ADAMTS17: variants seen among roughly 807,000 people sequenced by gnomAD.
ADAMTS17 encodes A disintegrin and metalloproteinase with thrombospondin motifs 17.
A neutral mutation model predicts 141.5 loss-of-function variants in ADAMTS17; 113 were observed. That is an observed-to-expected ratio of 0.80 (90% CI 0.69 to 0.93). ADAMTS17 has a LOEUF of 0.93. ADAMTS17 is among the 40% of genes least tolerant of loss of function. The pLI is 0.00. For synonymous variants in ADAMTS17, 768 were observed against 630.6 expected (o/e 1.22, Z -3.27); for missense variants, 1,659 against 1,517.9 (o/e 1.09, Z -1.54).
Position 99,978,236 on chromosome 15 carries a change from G to A in ADAMTS17, c.2950-2014C>T, listed in dbSNP as rs558837668. On this transcript the variant is annotated intron_variant, in intron 20 of 21. Coordinates refer to ENST00000268070, the MANE Select transcript of ADAMTS17 (RefSeq NM_139057.4). The stretch of plus-strand genomic sequence containing the variant: ...GCCTGGGAGGGCTGTCTGCTCCCAG[G>A]GGGGCTTCTGCAAGCCAGGTGGATT... Among the ~76,000 whole-genome samples the A allele has an allele frequency of 2.6e-4, 39 of 151,980 alleles. No individual in the cohort carries two copies. The South Asian group carries it at 3.1e-3, about 12-fold the overall frequency.
chr15:100,053,892 G>A lies in ADAMTS17; in HGVS notation c.2295+5C>T, dbSNP rs2032339093. The A allele has an allele frequency of 1.2e-5, 20 of 1,614,216 alleles. No homozygotes were observed. Among genetic ancestry groups the A allele is most frequent in the Non-Finnish European group, 1.7e-5 (20 of 1,180,036 alleles). On this transcript the variant is annotated splice_donor_5th_base_variant and intron_variant, in intron 16 of 21. Coordinates refer to ENST00000268070, the MANE Select transcript of ADAMTS17 (RefSeq NM_139057.4). ...TAAGACAAGTGTGGAAGCCCAGCAA[G>A]TTACCATCAAGTGCAGCGGTAGTTT... is the stretch of plus-strand genomic sequence containing the variant.
chr15:100,154,755 C>G (rs988859017), intron 9 of ADAMTS17, among the ~76,000 whole-genome samples: 1 of 152,158 alleles, frequency 6.6e-6, no homozygotes, highest in Non-Finnish European at 1.5e-5. Context: ...GGTGAGGAAG[C>G]TGAGCAAACC....
chr15:100,054,154 C>G (rs2032371127), intron 15 of ADAMTS17, 100 bp from the exon 16 acceptor site: 4 of 1,367,288 alleles, frequency 2.9e-6, no homozygotes, highest in African/African-American at 1.4e-5. Context: ...GGGCAGAGGT[C>G]TCCCTTCCAC....
At chr15:100,197,900 C>A (rs1427414964) in intron 8 of ADAMTS17, among the ~76,000 whole-genome samples, 2 of 152,198 alleles carry the variant, frequency 1.3e-5, no homozygotes, top group Non-Finnish European at 2.9e-5. Flanking sequence ...TGGAAACCAT[C>A]ATCCTCAGCA....
intron 17 of ADAMTS17, among the ~76,000 whole-genome samples, chr15:100,050,134 C>T (rs4965568): frequency 0.33 from 50,826 of 152,012 alleles, 10,101 homozygotes; most frequent in African/African-American, 0.54. Flanking sequence ...ATGGCAGCCT[C>T]GCATGAGTAC....
At chr15:100,308,941 A>G (rs150648993) in intron 3 of ADAMTS17, among the ~76,000 whole-genome samples, 2 of 152,360 alleles carry the variant, frequency 1.3e-5, no homozygotes, top group Non-Finnish European at 2.9e-5. Flanking sequence ...TGGGTCCCCA[A>G]ATACAGCAAA....
chr15:100,169,537 AG>A (rs1484685758), intron 8 of ADAMTS17, among the ~76,000 whole-genome samples: 3 of 152,208 alleles, frequency 2.0e-5, no homozygotes, highest in Non-Finnish European at 4.4e-5. Flanking sequence ...GAAGTTGGGA[AG>A]CTTGCCTGAG....
chr15:100,243,623 C>G (rs2042893662), intron 7 of ADAMTS17, among the ~76,000 whole-genome samples: 1 of 152,046 alleles, frequency 6.6e-6, no homozygotes, highest in Non-Finnish European at 1.5e-5. Flanking sequence ...AACACTATCT[C>G]TACTAAAAAT....
chr15:100,264,043 C>G (rs1230534399), intron 4 of ADAMTS17, among the ~76,000 whole-genome samples: 2 of 152,186 alleles, frequency 1.3e-5, no homozygotes, highest in Non-Finnish European at 2.9e-5. Flanking sequence ...CTTTGAAAAC[C>G]ATTATTACAG....
rs369725494 is a variant in ADAMTS17 at position 100,074,489 on chromosome 15, C to T, written c.2138-20435G>A. 3.9e-5 allele frequency among the ~76,000 whole-genome samples: 6 copies of T among 152,016 alleles called. No homozygotes were observed. The East Asian group carries it at 5.8e-4, about 15-fold the overall frequency. ...TTTCAGCATCTAAGGGCATAGTTTCCTCTTGCTCTCACACCTTGTTCTATT... is the reference window on the plus strand; with the variant it reads ...TTTCAGCATCTAAGGGCATAGTTTCTTCTTGCTCTCACACCTTGTTCTATT... On this transcript the variant is annotated intron_variant, in intron 15 of 21. Coordinates refer to ENST00000268070, the MANE Select transcript of ADAMTS17 (RefSeq NM_139057.4).
intron 15 of ADAMTS17, among the ~76,000 whole-genome samples, chr15:100,080,604 C>A (rs569458487): frequency 6.6e-6 from 1 of 152,026 alleles, no homozygotes; most frequent in African/African-American, 2.4e-5. Flanking sequence ...GAATACAGAA[C>A]GGGTAGTAGA....
At chr15:100,331,810 T>A (rs1204126076) in intron 2 of ADAMTS17, among the ~76,000 whole-genome samples, 1 of 152,138 alleles carries the variant, frequency 6.6e-6, no homozygotes, top group Non-Finnish European at 1.5e-5. Flanking sequence ...TCTCAAAGCC[T>A]AGCGTGTGCC....
Position 100,330,904 on chromosome 15 carries a change from A to C in ADAMTS17, c.601T>G (p.Cys201Gly). ...CCCGACTCACCTGTTAGAACCTTGC[A>C]GAGCTGCTCAGGTCTCTGGGCCTCA... Reference protein sequence around the residue: ...SAEAQRPEQLCKVLTEKKKPT... With the variant: ...SAEAQRPEQLGKVLTEKKKPT... The change falls in exon 3 of 22, where the codon TGC (cysteine) becomes GGC (glycine). Residue 201 changes from cysteine to glycine, a missense_variant. Physicochemically the swap from Cys to Gly is radical, Grantham distance 159. Transcript: ENST00000268070. 6.2e-7 allele frequency: 1 copy of C among 1,614,162 alleles called. No individual in the cohort carries two copies. Among genetic ancestry groups the C allele is most frequent in the Non-Finnish European group, 8.5e-7 (1 of 1,180,030 alleles).
chr15:99,981,856 A>G (rs1391662194), intron 20 of ADAMTS17, among the ~76,000 whole-genome samples: 8 of 152,214 alleles, frequency 5.3e-5, no homozygotes, highest in Non-Finnish European at 1.0e-4. Context: ...CATCCTAACC[A>G]GCTGCATTTT....
In ADAMTS17 at chr15:99,976,140, C is replaced by A. The variant is rs2141262537; in HGVS notation, c.3032G>T (p.Cys1011Phe). 6.4e-7 allele frequency: 1 copy of A among 1,550,948 alleles called. No homozygotes were observed. The highest frequency in any genetic ancestry group is 1.2e-5 in the South Asian group (1 of 84,026). The change falls in exon 21 of 22, where the codon TGC (cysteine) becomes TTC (phenylalanine). Residue 1011 changes from cysteine to phenylalanine, a missense_variant. Cys to Phe is a radical substitution (Grantham distance 205). Coordinates refer to ENST00000268070, the MANE Select transcript of ADAMTS17 (RefSeq NM_139057.4). ...HKVTGRHGSE[C>F]PALSKPAPYR... is the part of the protein sequence containing the mutation. ...GGGGGCAGGCTTCGAGAGGGCGGGG[C>A]ACTCGCTGCCGTGGCGCCCTGTGAC...
chr15:100,196,821 C>A (rs150762113), intron 8 of ADAMTS17, among the ~76,000 whole-genome samples: 5 of 152,158 alleles, frequency 3.3e-5, no homozygotes, highest in South Asian at 4.1e-4. Flanking sequence ...GGCCTGCTGA[C>A]GGGGAGGACA....
chr15:100,139,073 G>A (rs1261203258), intron 10 of ADAMTS17, among the ~76,000 whole-genome samples: 3 of 152,030 alleles, frequency 2.0e-5, no homozygotes, highest in African/African-American at 4.8e-5. Context: ...TCAAAGACTG[G>A]GCATTAAAAA....
At chr15:100,180,736 T>A (rs182898767) in intron 8 of ADAMTS17, among the ~76,000 whole-genome samples, 1 of 152,218 alleles carries the variant, frequency 6.6e-6, no homozygotes, top group Non-Finnish European at 1.5e-5. Flanking sequence ...ATCTTTTACT[T>A]CTTTGGTTAA....
At chr15:100,097,253 G>A (rs1395526246) in intron 14 of ADAMTS17, among the ~76,000 whole-genome samples, 1 of 152,142 alleles carries the variant, frequency 6.6e-6, no homozygotes, top group East Asian at 1.9e-4. Context: ...TAGCCACATT[G>A]CCTAAATGTC....
Sources: allele counts gnomAD v4.1 joint callset (sites outside exome capture counted in the v4.1 genomes callset), GRCh38; gene constraint gnomAD v4.1.1; transcripts MANE v1.5; gene names NCBI Gene and HGNC (gene_info 2026-07-23, HGNC 2026-07-21).